Variants in CDH12 observed in about 807,000 individuals in gnomAD.
The protein encoded by CDH12 is cadherin 12, also known as cadherin-12.
CDH12 carries 41 observed loss-of-function variants against 74.1 expected under a neutral mutation model. The observed-to-expected ratio is 0.55, with a 90% CI of 0.43 to 0.72. The LOEUF is 0.72. Ranked by LOEUF, CDH12 falls within the 30% of genes least tolerant of loss-of-function variation. The probability of loss-of-function intolerance (pLI) is 0.00; values close to 1 mark genes in which losing one functional copy is unlikely to be tolerated. For missense variants in CDH12, 945 were observed against 977.2 expected (o/e 0.97, Z 0.44); for synonymous variants, 399 against 355.0 (o/e 1.12, Z -1.39).
Position 22,265,887 on chromosome 5 carries a change from T to C in CDH12, c.-332-53244A>G, listed in dbSNP as rs10053360. ...CACAGATGATTGGTACACTTAAAGA[T>C]TGAAGAGGACTGAAATAGAGCCACT... On this transcript the variant is annotated intron_variant, in intron 3 of 14. Coordinates refer to ENST00000382254, the MANE Select transcript of CDH12 (RefSeq NM_004061.5). Among the ~76,000 whole-genome samples the C allele has an allele frequency of 4.5e-3, 691 of 152,156 alleles. 5 individuals are homozygous for C. The highest frequency in any genetic ancestry group is 0.016 in the African/African-American group (657 of 41,536).
At chr5:22,020,852 G>A (rs1174770437) in intron 5 of CDH12, among the ~76,000 whole-genome samples, 2 of 151,442 alleles carry the variant, frequency 1.3e-5, no homozygotes, top group Non-Finnish European at 2.9e-5. Flanking sequence ...TTTGGGGAGG[G>A]GGCACAATTC....
intron 1 of CDH12, among the ~76,000 whole-genome samples, chr5:22,556,996 T>C (rs1165143738): frequency 6.6e-6 from 1 of 152,008 alleles, no homozygotes; most frequent in Non-Finnish European, 1.5e-5. Flanking sequence ...AACCTCTCCG[T>C]AACACCCTCC....
chr5:22,245,172 G>T (rs554788313), intron 3 of CDH12, among the ~76,000 whole-genome samples: 7 of 152,278 alleles, frequency 4.6e-5, no homozygotes, highest in African/African-American at 1.4e-4. Flanking sequence ...AAAGCCATTC[G>T]AGTGTTTGAA....
At chr5:21,870,863 C>T (rs1272016285) in intron 6 of CDH12, among the ~76,000 whole-genome samples, 1 of 152,140 alleles carries the variant, frequency 6.6e-6, no homozygotes, top group African/African-American at 2.4e-5. Context: ...TCCCAAGTAG[C>T]TGGGACTATA....
At chr5:22,794,147 T>A (rs79353247) in intron 1 of CDH12, among the ~76,000 whole-genome samples, 1,943 of 152,286 alleles carry the variant, frequency 0.013, 40 homozygotes, top group African/African-American at 0.044. Flanking sequence ...AGCTCATATG[T>A]CCCAGAAATA....
rs1014297389 is a variant in CDH12 at position 22,574,228 on chromosome 5, C to T, written c.-522-68864G>A. Reference sequence around the variant, plus strand: ...ACGAGTAGCTGGGATTACAGGTACGCACCACCACACCTGGCTAATTTTTGT... The same window carrying T: ...ACGAGTAGCTGGGATTACAGGTACGTACCACCACACCTGGCTAATTTTTGT... On this transcript the variant is annotated intron_variant, in intron 1 of 14. Transcript: ENST00000382254. Among the ~76,000 whole-genome samples, 14 of 151,782 alleles carry T rather than the reference C, an allele frequency of 9.2e-5. No homozygotes were observed. In the East Asian group the frequency reaches 2.5e-3, roughly 27 times the overall value.
At chr5:22,352,675 G>T (rs1283838939) in intron 3 of CDH12, among the ~76,000 whole-genome samples, 26 of 152,132 alleles carry the variant, frequency 1.7e-4, no homozygotes, top group Non-Finnish European at 3.8e-4. Flanking sequence ...GAACCAGTTT[G>T]CCATCTGCTT....
intron 5 of CDH12, among the ~76,000 whole-genome samples, chr5:21,993,142 G>C (rs543481075): frequency 7.9e-5 from 12 of 152,182 alleles, no homozygotes; most frequent in African/African-American, 2.6e-4. Flanking sequence ...TGAGATTGGC[G>C]GGGGGTGGAG....
chr5:22,447,272 C>A (rs1249196678), intron 2 of CDH12, among the ~76,000 whole-genome samples: 1 of 151,794 alleles, frequency 6.6e-6, no homozygotes, highest in Non-Finnish European at 1.5e-5. Flanking sequence ...TCTTCTTTTT[C>A]TTCTTCTTCT....
chr5:21,824,567 C>A (rs1025267664), intron 8 of CDH12, among the ~76,000 whole-genome samples: 5 of 152,194 alleles, frequency 3.3e-5, no homozygotes, highest in African/African-American at 1.2e-4. Flanking sequence ...GTTTCCCAAA[C>A]ACAGCCTTGT....
At position 21,793,236 on chromosome 5, in the gene CDH12, T is replaced by A. The variant is rs116167417; in HGVS notation, c.1256+8931A>T. 2.1e-3 allele frequency among the ~76,000 whole-genome samples: 319 copies of A among 151,896 alleles called. 1 individual carries two copies. Among genetic ancestry groups the A allele is most frequent in the African/African-American group, 7.4e-3 (309 of 41,522 alleles). On this transcript the variant is annotated intron_variant, in intron 10 of 14. Coordinates refer to ENST00000382254, the MANE Select transcript of CDH12 (RefSeq NM_004061.5). ...AACTGTACCATTTTTTAAACTTTACTTACTACCTATTTGAATTGGTGTTAA... is the reference window on the plus strand; with the variant it reads ...AACTGTACCATTTTTTAAACTTTACATACTACCTATTTGAATTGGTGTTAA...
intron 1 of CDH12, among the ~76,000 whole-genome samples, chr5:22,749,986 A>G (rs1262124582): frequency 1.3e-5 from 2 of 152,134 alleles, no homozygotes; most frequent in Non-Finnish European, 2.9e-5. Context: ...TTCATTTACC[A>G]CCTATTCCTT....
At chr5:22,069,177 A>G (rs556679835) in intron 5 of CDH12, among the ~76,000 whole-genome samples, 1 of 152,252 alleles carries the variant, frequency 6.6e-6, no homozygotes, top group African/African-American at 2.4e-5. Context: ...TCTGATCATG[A>G]CACTCACTTC....
At chr5:22,848,104 A>G (rs113140205) in intron 1 of CDH12, among the ~76,000 whole-genome samples, 1 of 152,104 alleles carries the variant, frequency 6.6e-6, no homozygotes, top group African/African-American at 2.4e-5. Context: ...AAGTCTCTAT[A>G]AAACAAAATA....
chr5:22,347,589 A>G (rs904972747), intron 3 of CDH12, among the ~76,000 whole-genome samples: 1 of 152,154 alleles, frequency 6.6e-6, no homozygotes, highest in African/African-American at 2.4e-5. Flanking sequence ...CTTTGAGTCA[A>G]TACTCCTTAA....
intron 1 of CDH12, among the ~76,000 whole-genome samples, chr5:22,630,660 T>G (rs1231316606): frequency 2.6e-5 from 4 of 151,988 alleles, no homozygotes; most frequent in African/African-American, 9.7e-5. Flanking sequence ...GTTAAAAAAC[T>G]TAAAACCTGT....
chr5:22,724,585 A>G (rs548069660), intron 1 of CDH12, among the ~76,000 whole-genome samples: 6 of 152,090 alleles, frequency 3.9e-5, no homozygotes, highest in African/African-American at 1.4e-4. Context: ...ATGGCTGAGT[A>G]GTATTCCATG....
At chr5:22,581,854 A>C (rs1262765465) in intron 1 of CDH12, among the ~76,000 whole-genome samples, 1 of 152,012 alleles carries the variant, frequency 6.6e-6, no homozygotes, top group Non-Finnish European at 1.5e-5. Context: ...TTCTTACCAA[A>C]TCCTGGCTAA....
chr5:22,687,400 C>G (rs965403042), intron 1 of CDH12, among the ~76,000 whole-genome samples: 7 of 152,026 alleles, frequency 4.6e-5, no homozygotes, highest in African/African-American at 1.4e-4. Context: ...TAAAATTCCT[C>G]CACACTTTTT....
Sources: allele counts gnomAD v4.1 joint callset (sites outside exome capture counted in the v4.1 genomes callset), GRCh38; gene constraint gnomAD v4.1.1; transcripts MANE v1.5; gene names NCBI Gene and HGNC (gene_info 2026-07-23, HGNC 2026-07-21).